The following GALC variants were observed in gnomAD, a reference collection of about 807,000 sequenced individuals.
GALC encodes the protein galactosylceramidase.
A neutral mutation model predicts 91.8 loss-of-function variants in GALC; 77 were observed. That is an observed-to-expected ratio of 0.84 (90% CI 0.70 to 1.01). The LOEUF (loss-of-function observed/expected upper bound fraction) is 1.01, where lower values mean the gene tolerates loss of function less well. Ranked by LOEUF, GALC falls within the 50% of genes least tolerant of loss-of-function variation. The pLI is 0.00. For missense variants in GALC, 882 were observed against 855.9 expected (o/e 1.03, Z -0.38); for synonymous variants, 357 against 306.7 (o/e 1.16, Z -1.71).
At chr14:87,990,866 G>T (rs1410033356) in intron 1 of GALC, among the ~76,000 whole-genome samples, 1 of 152,146 alleles carries the variant, frequency 6.6e-6, no homozygotes, top group South Asian at 2.1e-4. Context: ...ATGAGGCCTG[G>T]AACTGTTTAC....
intron 1 of GALC, 110 bp from the exon 2 acceptor site, chr14:87,988,633 G>T (rs1255599210): frequency 7.2e-6 from 6 of 834,762 alleles, no homozygotes; most frequent in Non-Finnish European, 1.0e-5. Context: ...CTCAGGCAAG[G>T]TCAGGCTGAG....
At chr14:87,949,695 C>T (rs1001952967) in intron 12 of GALC, 150 bp downstream of exon 12, 13 of 561,050 alleles carry the variant, frequency 2.3e-5, no homozygotes, top group Non-Finnish European at 3.8e-5. Flanking sequence ...CGTCACCATC[C>T]ACCAAGACAA....
intron 10 of GALC, among the ~76,000 whole-genome samples, chr14:87,951,229 C>A (rs929892087): frequency 6.6e-6 from 1 of 151,578 alleles, no homozygotes; most frequent in African/African-American, 2.4e-5. Flanking sequence ...ATATATGTAA[C>A]ATAGTTCTCA....
In GALC at chr14:87,952,467, A is replaced by T. The variant is rs931565054; in HGVS notation, c.1162-1719T>A. 1.9e-5 allele frequency: 10 copies of T among 527,046 alleles called. No individual in the cohort carries two copies. In the African/African-American group the frequency reaches 1.9e-4, roughly 10 times the overall value. The allele number at this position is 527,046 out of a possible 1,614,324, so 32.6% of individuals were successfully genotyped here. ...AAAAAGAAACCAGTGGCTTCACTAT[A>T]GGCATAAGCTAAACCACAACCCTGC... On this transcript the variant is annotated intron_variant, in intron 10 of 16. Transcript: ENST00000261304.
intron 10 of GALC, chr14:87,953,798 T>C: frequency 6.2e-7 from 1 of 1,606,670 alleles, no homozygotes; most frequent in Non-Finnish European, 8.5e-7. Flanking sequence ...AAAACTGTGA[T>C]TCTAAAAGCC....
intron 4 of GALC, 40 bp from the exon 5 acceptor site, chr14:87,984,573 A>G: frequency 6.2e-7 from 1 of 1,612,550 alleles, no homozygotes; most frequent in South Asian, 1.1e-5. Flanking sequence ...GAGGAGGTAT[A>G]ACGGTGCTGG....
chr14:87,948,874 C>G (rs1885189761), intron 12 of GALC, among the ~76,000 whole-genome samples: 1 of 151,832 alleles, frequency 6.6e-6, no homozygotes, highest in Non-Finnish European at 1.5e-5. Context: ...TAATAATAAC[C>G]AGAAAAAGTG....
intron 1 of GALC, among the ~76,000 whole-genome samples, chr14:87,988,760 G>C (rs1003955470): frequency 1.3e-5 from 2 of 152,134 alleles, no homozygotes; most frequent in Admixed American, 1.3e-4. Flanking sequence ...GGGCTAACTG[G>C]GAGGTAAGCT....
chr14:87,972,850 AG>A (rs746925935), intron 7 of GALC, among the ~76,000 whole-genome samples: 1 of 152,158 alleles, frequency 6.6e-6, no homozygotes, highest in Non-Finnish European at 1.5e-5. Flanking sequence ...AGAAAACCAA[AG>A]TAATGGAGTG....
In GALC at chr14:87,942,858, T is replaced by C. The variant is rs145775208; in HGVS notation, c.1671-1300A>G. ...CTAAGTAACTCAAGCCCAGTCTCTC[T>C]TGTATGTCCTCTGACATCAGAGGGA... On this transcript the variant is annotated intron_variant, in intron 14 of 16. Coordinates refer to ENST00000261304, the MANE Select transcript of GALC (RefSeq NM_000153.4). Among the ~76,000 whole-genome samples, 261 of 152,132 alleles carry C rather than the reference T, an allele frequency of 1.7e-3. 1 individual carries two copies. Among genetic ancestry groups the C allele is most frequent in the African/African-American group, 5.9e-3 (246 of 41,544 alleles).
intron 6 of GALC, chr14:87,976,764 G>A (rs766902646): frequency 5.3e-5 from 20 of 375,150 alleles, no homozygotes; most frequent in African/African-American, 1.9e-4. Flanking sequence ...ACAGGCACGC[G>A]CCACCACGCC....
Position 87,988,535 on chromosome 14 carries a change from A to AG in GALC, c.196-13dup. 2 of 1,580,036 alleles carry AG rather than the reference A, an allele frequency of 1.3e-6. No individual in the cohort carries two copies. The highest frequency in any genetic ancestry group is 1.7e-6 in the Non-Finnish European group (2 of 1,149,126). The stretch of plus-strand genomic sequence containing the variant: ...AGTCGGGAGGTTGCCTAAAAAAAAA[A>AG]GTTTTCAAAAGTATGAATAAAAGAA... On this transcript the variant is annotated splice_polypyrimidine_tract_variant and intron_variant, in intron 1 of 16. Transcript: ENST00000261304.
chr14:87,950,593 T>G, intron 11 of GALC, 66 bp downstream of exon 11: 1 of 987,666 alleles, frequency 1.0e-6, no homozygotes, highest in Non-Finnish European at 1.6e-6. Flanking sequence ...TAAGAACTAC[T>G]GGCCTGTGAC....
chr14:87,985,789 A>G (rs1369726079), intron 4 of GALC, among the ~76,000 whole-genome samples: 1 of 152,204 alleles, frequency 6.6e-6, no homozygotes, highest in Non-Finnish European at 1.5e-5. Flanking sequence ...TTGATGTTTG[A>G]AATACTTCAC....
At position 87,934,134 on chromosome 14, in the gene GALC, A is replaced by T. The variant is rs977934055; in HGVS notation, c.*598T>A. Reference sequence around the variant, plus strand: ...GAAATAGTGTTAGAGGTAGTTTATTAAAGAGGCATTTTTAAAATCATCCCA... The same window carrying T: ...GAAATAGTGTTAGAGGTAGTTTATTTAAGAGGCATTTTTAAAATCATCCCA... On this transcript the variant is annotated 3_prime_UTR_variant, in exon 17 of 17. Transcript: ENST00000261304. The T allele has an allele frequency of 4.9e-6, 7 of 1,433,402 alleles. No individual in the cohort carries two copies. Among genetic ancestry groups the T allele is most frequent in the Non-Finnish European group, 6.4e-6 (7 of 1,092,440 alleles). 88.8% of individuals were successfully genotyped at this position (1,433,402 alleles called of 1,614,324 possible). A position where few individuals can be genotyped will look rare whatever the true frequency, so the allele number is the denominator to read the frequency against.
At chr14:87,955,574 T>C (rs527327630) in intron 10 of GALC, among the ~76,000 whole-genome samples, 33 of 15,166 alleles carry the variant, frequency 2.2e-3, no homozygotes, top group Non-Finnish European at 0.01. Flanking sequence ...CTTTTACTTA[T>C]CCCTACCTAA....
At chr14:87,936,504 T>A (rs1251938054) in intron 16 of GALC, among the ~76,000 whole-genome samples, 1 of 151,824 alleles carries the variant, frequency 6.6e-6, no homozygotes, top group Admixed American at 6.6e-5. Flanking sequence ...AGAGACCACA[T>A]GGCCCACGAA....
Position 87,963,513 on chromosome 14 carries a change from T to C in GALC, c.1034-2A>G. 6 of 1,611,810 alleles carry C rather than the reference T, an allele frequency of 3.7e-6. No individual in the cohort carries two copies. The highest frequency in any genetic ancestry group is 5.1e-6 in the Non-Finnish European group (6 of 1,178,516). ...GTTGAGTAAACTGAGTGGTATGAGC[T>C]ATAGAAAAACAGAAAGTTCCAAATA... On this transcript the variant is annotated splice_acceptor_variant, in intron 9 of 16. Transcript: ENST00000261304. LOFTEE classifies it high-confidence loss of function.
upstream of GALC, chr14:87,993,410 G>A (rs1394548721): frequency 7.2e-5 from 110 of 1,535,738 alleles, no homozygotes; most frequent in Non-Finnish European, 9.4e-5. Context: ...GCGTCACCTG[G>A]TGGAGCACTT....
Sources: gnomAD v4.1 joint callset for allele counts (sites outside exome capture counted in the v4.1 genomes callset) on GRCh38, gnomAD v4.1.1 for gene constraint, MANE v1.5 for transcripts, NCBI Gene and HGNC (gene_info 2026-07-23, HGNC 2026-07-21) for gene names.